INSIG2: variants seen among roughly 807,000 people sequenced by gnomAD.
The protein encoded by INSIG2 is insulin-induced gene 2 protein.
Under a neutral mutation model 27.2 loss-of-function variants are expected in INSIG2, and 10 were observed. The observed-to-expected ratio is 0.37, with a 90% CI of 0.23 to 0.62. The LOEUF (loss-of-function observed/expected upper bound fraction) is 0.62. INSIG2 is among the 20% of genes least tolerant of loss of function. The pLI, the probability that INSIG2 is intolerant of heterozygous loss-of-function variation, is 0.65. For missense variants in INSIG2, 178 were observed against 270.2 expected, an observed-to-expected ratio of 0.66 and a Z score of 2.39; for synonymous variants, 97 against 95.8, an observed-to-expected ratio of 1.01 and a Z score of -0.07.
intron 1 of INSIG2, among the ~76,000 whole-genome samples, chr2:118,093,300 TGAG>T (rs1204152140): frequency 0.026 from 215 of 8,280 alleles, 3 homozygotes; most frequent in Non-Finnish European, 0.036. Flanking sequence ...ATGATGATGA[TGAG>T]GAGGAGGAGG....
chr2:118,106,696 T>A, intron 3 of INSIG2, 41 bp from the exon 4 acceptor site: 3 of 1,540,464 alleles, frequency 1.9e-6, no homozygotes, highest in Non-Finnish European at 2.7e-6. Context: ...TGATATTATT[T>A]GGTTACAACT....
At chr2:118,092,244 C>T (rs1468054602) in intron 1 of INSIG2, among the ~76,000 whole-genome samples, 1 of 152,156 alleles carries the variant, frequency 6.6e-6, no homozygotes, top group African/African-American at 2.4e-5. Context: ...GTGAGGGCAA[C>T]GTGCTGTGTC....
intron 2 of INSIG2, among the ~76,000 whole-genome samples, chr2:118,098,773 A>C (rs1678471654): frequency 6.6e-6 from 1 of 152,226 alleles, no homozygotes; most frequent in Non-Finnish European, 1.5e-5. Context: ...CAGTTCAGCC[A>C]CTACTTTCCT....
At chr2:118,090,379 C>G (rs1678196385) in intron 1 of INSIG2, among the ~76,000 whole-genome samples, 1 of 152,168 alleles carries the variant, frequency 6.6e-6, no homozygotes, top group South Asian at 2.1e-4. Context: ...TGTTTGTTTT[C>G]AAATGCTTGT....
rs1027513418 is a variant in INSIG2 at position 118,110,219 on chromosome 2, C to G, written c.*1897C>G. 6 of 152,174 alleles carry G rather than the reference C, an allele frequency of 3.9e-5. No individual in the cohort carries two copies. Among genetic ancestry groups the G allele is most frequent in the Non-Finnish European group, 7.4e-5 (5 of 68,024 alleles). 9.4% of individuals were successfully genotyped at this position (152,174 alleles called of 1,614,324 possible). On this transcript the variant is annotated 3_prime_UTR_variant, in exon 6 of 6. Transcript: ENST00000245787. ...TTGAAAATCCATGTATAACTTTTGA[C>G]TCCTCCAAAACTTAACTACTAATAG...
Position 118,108,536 on chromosome 2 carries a change from T to C in INSIG2, c.*214T>C, listed in dbSNP as rs1424703375. 3.1e-5 allele frequency: 13 copies of C among 418,930 alleles called. No homozygotes were observed. The highest frequency in any genetic ancestry group is 5.6e-5 in the Non-Finnish European group (13 of 232,078). 26.0% of individuals were successfully genotyped at this position (418,930 alleles called of 1,614,324 possible). A position where few individuals can be genotyped will look rare whatever the true frequency, so the allele number is the denominator to read the frequency against. ...TGTAAATCAGTTGTAAACCTTTACA[T>C]ATTTGACTTAAATAACTGTAAGATA... On this transcript the variant is annotated 3_prime_UTR_variant, in exon 6 of 6. Coordinates refer to ENST00000245787, the MANE Select transcript of INSIG2 (RefSeq NM_016133.4).
At position 118,108,302 on chromosome 2, in the gene INSIG2, G is replaced by C; in HGVS notation, c.658G>C (p.Glu220Gln). 2.5e-6 allele frequency: 4 copies of C among 1,594,496 alleles called. No individual in the cohort carries two copies. The highest frequency in any genetic ancestry group is 3.4e-6 in the Non-Finnish European group (4 of 1,171,054). ...GCAGTACGAATGTAAAGTTATCGCA[G>C]AAAAATCTCATCAGGAATGAAGAAG... ...LAMYECKVIA[E>Q]KSHQE Residue 220 changes from glutamate (E) to glutamine (Q), a missense_variant, in exon 6 of 6, where the codon GAA (glutamate) becomes CAA (glutamine). Transcript: ENST00000245787.
chr2:118,094,056 T>G, intron 1 of INSIG2, among the ~76,000 whole-genome samples: 1 of 66,740 alleles, frequency 1.5e-5, no homozygotes, highest in Non-Finnish European at 3.0e-5. Context: ...TGATGGAGAG[T>G]TCTGTAGCTA....
intron 1 of INSIG2, among the ~76,000 whole-genome samples, chr2:118,095,137 A>G (rs755935809): frequency 6.6e-6 from 1 of 152,274 alleles, no homozygotes; most frequent in Non-Finnish European, 1.5e-5. Flanking sequence ...AGTAGTCATT[A>G]TAAGTGCTAC....
rs1367401600 is a variant in INSIG2 at position 118,110,227 on chromosome 2, A to G, written c.*1905A>G. ...CCATGTATAACTTTTGACTCCTCCA[A>G]AACTTAACTACTAATAGCCTACTCT... On this transcript the variant is annotated 3_prime_UTR_variant, in exon 6 of 6. Coordinates refer to ENST00000245787, the MANE Select transcript of INSIG2 (RefSeq NM_016133.4). 4 of 152,236 alleles carry G rather than the reference A, an allele frequency of 2.6e-5. No individual in the cohort carries two copies. The highest frequency in any genetic ancestry group is 9.6e-5 in the African/African-American group (4 of 41,456). 9.4% of individuals were successfully genotyped at this position (152,236 alleles called of 1,614,324 possible).
intron 5 of INSIG2, 41 bp from the exon 6 acceptor site, chr2:118,108,240 A>G (rs1678722727): frequency 3.7e-6 from 5 of 1,369,050 alleles, no homozygotes; most frequent in Non-Finnish European, 5.1e-6. Context: ...ATTCAAAAGA[A>G]GTCTTAATCT....
intron 1 of INSIG2, among the ~76,000 whole-genome samples, chr2:118,094,475 T>G (rs1397584557): frequency 1.3e-5 from 2 of 152,212 alleles, no homozygotes; most frequent in Non-Finnish European, 2.9e-5. Flanking sequence ...CAAGGAATGG[T>G]CTGCAGGATC....
intron 5 of INSIG2, 23 bp from the exon 6 acceptor site, chr2:118,108,258 T>A: frequency 6.4e-7 from 1 of 1,557,390 alleles, no homozygotes; most frequent in Non-Finnish European, 8.8e-7. Context: ...TCTGTTAACC[T>A]TTTAACCTTT....
At chr2:118,101,043 T>TATGATTTTACACAGGC (rs1678532987) in intron 2 of INSIG2, among the ~76,000 whole-genome samples, 2 of 152,198 alleles carry the variant, frequency 1.3e-5, no homozygotes, top group African/African-American at 4.8e-5. Flanking sequence ...TGTGTTTGCA[T>TATGATTTTACACAGGC]ATGATTTTAC....
Position 118,108,457 on chromosome 2 carries a change from G to GGA in INSIG2, c.*135_*136insGA, listed in dbSNP as rs1678731106. On this transcript the variant is annotated 3_prime_UTR_variant, in exon 6 of 6. Transcript: ENST00000245787. ...CTTGATTGGCGTGTGTGTATATATG[G>GGA]ATAAATATATATATACACACACACA... 34 of 590,372 alleles carry GGA rather than the reference G, an allele frequency of 5.8e-5. No individual in the cohort carries two copies. In the East Asian group the frequency reaches 1.0e-3, roughly 18 times the overall value. 36.6% of individuals were successfully genotyped at this position (590,372 alleles called of 1,614,324 possible).
rs1283484704 is a variant in INSIG2 at position 118,109,342 on chromosome 2, T to G, written c.*1020T>G. On this transcript the variant is annotated 3_prime_UTR_variant, in exon 6 of 6. Coordinates refer to ENST00000245787, the MANE Select transcript of INSIG2 (RefSeq NM_016133.4). ...ACTCGTTGGTGGAATGCCTAGGTTT[T>G]TCATCTTACATGCAGTCTTGGGGGT... The G allele has an allele frequency of 2.6e-5, 4 of 152,194 alleles. No individual in the cohort carries two copies. Among genetic ancestry groups the G allele is most frequent in the Non-Finnish European group, 5.9e-5 (4 of 68,036 alleles). 9.4% of individuals were successfully genotyped at this position (152,194 alleles called of 1,614,324 possible).
intron 2 of INSIG2, among the ~76,000 whole-genome samples, chr2:118,100,594 G>T (rs1286212959): frequency 6.6e-6 from 1 of 151,870 alleles, no homozygotes; most frequent in African/African-American, 2.4e-5. Context: ...TGGCCGGGCT[G>T]GTCTCAAACT....
At position 118,093,938 on chromosome 2, in the gene INSIG2, T is replaced by TGAGGAG. The variant is rs1456422904; in HGVS notation, c.-138-2479_-138-2478insGGAGGA. Among the ~76,000 whole-genome samples, 48 of 20,088 alleles carry TGAGGAG rather than the reference T, an allele frequency of 2.4e-3. 2 individuals carry two copies. Among genetic ancestry groups the TGAGGAG allele is most frequent in the Non-Finnish European group, 2.8e-3 (27 of 9,660 alleles). The allele number at this position is 20,088 out of a possible 152,430, so 13.2% of individuals were successfully genotyped here. A position where few individuals can be genotyped will look rare whatever the true frequency, so the allele number is the denominator to read the frequency against. ...AAAAGCAACCAGATGATGATGATGATGATGAGGAGGAGGAGGAGGAGGAGG... is the reference window on the plus strand; with the variant it reads ...AAAAGCAACCAGATGATGATGATGATGAGGAGGATGAGGAGGAGGAGGAGGAGGAGG... On this transcript the variant is annotated intron_variant, in intron 1 of 5. Coordinates refer to ENST00000245787, the MANE Select transcript of INSIG2 (RefSeq NM_016133.4).
At chr2:118,102,268 G>A (rs1197617242) in intron 2 of INSIG2, among the ~76,000 whole-genome samples, 1 of 152,088 alleles carries the variant, frequency 6.6e-6, no homozygotes, top group Non-Finnish European at 1.5e-5. Flanking sequence ...AACTAATTTA[G>A]CACTTAAAAT....
Sources: gnomAD v4.1 joint callset for allele counts (sites outside exome capture counted in the v4.1 genomes callset) on GRCh38, gnomAD v4.1.1 for gene constraint, MANE v1.5 for transcripts, NCBI Gene and HGNC (gene_info 2026-07-23, HGNC 2026-07-21) for gene names.